TBC1D31: variants seen among roughly 807,000 people sequenced by gnomAD.
The protein encoded by TBC1D31 is WD repeat domain 67.
In TBC1D31, 99 loss-of-function variants were observed where a neutral mutation model predicts 132.9. The observed-to-expected ratio is 0.74, with a 90% CI of 0.63 to 0.88. The LOEUF (loss-of-function observed/expected upper bound fraction) is 0.88, where lower values mean the gene tolerates loss of function less well. Ranked by LOEUF, TBC1D31 falls within the 40% of genes least tolerant of loss-of-function variation. The pLI is 0.00. For synonymous variants in TBC1D31, 385 were observed against 419.4 expected (o/e 0.92, Z 1.00); for missense variants, 1,134 against 1,256.6 (o/e 0.90, Z 1.48).
intron 8 of TBC1D31, among the ~76,000 whole-genome samples, chr8:123,107,901 G>A (rs960510303): frequency 6.6e-6 from 1 of 152,190 alleles, no homozygotes; most frequent in Non-Finnish European, 1.5e-5. Context: ...GCCAAGACAA[G>A]GACAGGTCAA....
chr8:123,082,661 T>C (rs1316598517), intron 2 of TBC1D31, 41 bp from the exon 3 acceptor site: 19 of 1,369,276 alleles, frequency 1.4e-5, no homozygotes, highest in Non-Finnish European at 1.9e-5. Context: ...TTTGTAATTA[T>C]TGGAAGAATT....
intron 7 of TBC1D31, 148 bp from the exon 8 acceptor site, chr8:123,105,140 C>T (rs1194908342): frequency 2.1e-6 from 1 of 481,200 alleles, no homozygotes. Context: ...AGCAAATGTT[C>T]CTAGACATTT....
intron 10 of TBC1D31, among the ~76,000 whole-genome samples, chr8:123,117,570 C>T (rs1347809245): frequency 1.3e-5 from 2 of 150,856 alleles, no homozygotes; most frequent in Non-Finnish European, 3.0e-5. Context: ...CTGGCTGACA[C>T]GGTGAAACCC....
At chr8:123,140,249 C>T (rs911107786) in intron 17 of TBC1D31, among the ~76,000 whole-genome samples, 1 of 152,164 alleles carries the variant, frequency 6.6e-6, no homozygotes, top group Admixed American at 6.5e-5. Context: ...GTAATCCCAG[C>T]TACTTGGGAG....
intron 10 of TBC1D31, among the ~76,000 whole-genome samples, chr8:123,119,754 C>G (rs775082160): frequency 6.6e-6 from 1 of 152,048 alleles, no homozygotes; most frequent in Non-Finnish European, 1.5e-5. Context: ...TGTATCGGTA[C>G]GAAGCTATCA....
At position 123,130,232 on chromosome 8, in the gene TBC1D31, G is replaced by A. The variant is rs992475093; in HGVS notation, c.2305G>A (p.Glu769Lys). ...TGTGAAAAGAGAGCTGAAAGTAAAG[G>A]AAATGCACTTACAAGATGCTGCAAG... The part of the protein sequence containing the change: ...AAVKRELKVK[E>K]MHLQDAARRR... The change falls in exon 16 of 22, where the codon GAA becomes AAA. Residue 769 changes from glutamate to lysine, a missense_variant. Glu to Lys is a moderately conservative substitution (Grantham distance 56, BLOSUM62 1). Transcript: ENST00000287380. 3 of 1,612,592 alleles carry A rather than the reference G, an allele frequency of 1.9e-6. No individual in the cohort carries two copies. The Admixed American group carries it at 5.0e-5, about 27-fold the overall frequency.
At chr8:123,088,084 G>T (rs1815957919) in intron 4 of TBC1D31, among the ~76,000 whole-genome samples, 1 of 152,068 alleles carries the variant, frequency 6.6e-6, no homozygotes, top group Non-Finnish European at 1.5e-5. Flanking sequence ...AGCTACTGGG[G>T]AGGCTGAGGC....
chr8:123,076,473 T>A (rs1467555386), intron 1 of TBC1D31, among the ~76,000 whole-genome samples: 2 of 152,140 alleles, frequency 1.3e-5, no homozygotes, highest in East Asian at 3.9e-4. Context: ...CCTTACTGTT[T>A]TATATGGCAG....
chr8:123,140,927 C>T lies in TBC1D31; in HGVS notation c.2640+26C>T, dbSNP rs1042911303. 10 of 1,600,570 alleles carry T rather than the reference C, an allele frequency of 6.2e-6. No individual in the cohort carries two copies. The African/African-American group carries it at 8.1e-5, about 13-fold the overall frequency. ...GTAAAAATATGATCCATTTAGTATACATGCAGAGGAGAAATTTTCATCTGT... is the reference window on the plus strand; with the variant it reads ...GTAAAAATATGATCCATTTAGTATATATGCAGAGGAGAAATTTTCATCTGT... On this transcript the variant is annotated intron_variant, in intron 18 of 21. Transcript: ENST00000287380.
At chr8:123,080,529 C>CTTTTTTTTTTTTTTT in intron 2 of TBC1D31, among the ~76,000 whole-genome samples, 1 of 76,320 alleles carries the variant, frequency 1.3e-5, no homozygotes, top group Non-Finnish European at 2.3e-5. Context: ...TTCTTTTATT[C>CTTTTTTTTTTTTTTT]TTTTTTTTTT....
intron 19 of TBC1D31, among the ~76,000 whole-genome samples, chr8:123,143,463 A>C (rs1292566961): frequency 6.6e-6 from 1 of 152,004 alleles, no homozygotes; most frequent in Non-Finnish European, 1.5e-5. Context: ...CCTCGCAAAG[A>C]CTCTGGGATC....
At chr8:123,163,266 T>C in the TBC1D31 span, among the ~76,000 whole-genome samples, 2 of 152,020 alleles carry the variant, frequency 1.3e-5, no homozygotes, top group African/African-American at 4.8e-5. Flanking sequence ...ACATACCATA[T>C]AATTCACCTA....
chr8:123,114,894 C>T (rs1818772783), intron 10 of TBC1D31, among the ~76,000 whole-genome samples: 1 of 152,168 alleles, frequency 6.6e-6, no homozygotes, highest in South Asian at 2.1e-4. Flanking sequence ...TTCCTTTTTA[C>T]TTTCAAGTCT....
chr8:123,072,822 A>G lies in TBC1D31; in HGVS notation c.53A>G (p.Lys18Arg), dbSNP rs1814038327. Residue 18 changes from lysine (K) to arginine (R), a missense_variant, in exon 1 of 22, where the codon AAG (lysine) becomes AGG (arginine). By Grantham distance (26) the Lys-to-Arg change is conservative. Coordinates refer to ENST00000287380, the MANE Select transcript of TBC1D31 (RefSeq NM_145647.4). The part of the protein sequence containing the change: ...NKESGKIWHR[K>R]PSPATRDGII... ...GAGAGCGGCAAGATATGGCACCGCAAGCCGTCCCCGGCCACGCGGGACGGG... is the reference window on the plus strand; with the variant it reads ...GAGAGCGGCAAGATATGGCACCGCAGGCCGTCCCCGGCCACGCGGGACGGG... 2 of 1,572,482 alleles carry G rather than the reference A, an allele frequency of 1.3e-6. No individual in the cohort carries two copies. Among genetic ancestry groups the G allele is most frequent in the South Asian group, 2.3e-5 (2 of 85,660 alleles).
At chr8:123,090,603 C>T (rs915294456) in intron 4 of TBC1D31, among the ~76,000 whole-genome samples, 1 of 152,066 alleles carries the variant, frequency 6.6e-6, no homozygotes, top group Non-Finnish European at 1.5e-5. Context: ...TACATTTGAC[C>T]TTAACTTGCT....
At chr8:123,129,803 A>G (rs139455440) in intron 15 of TBC1D31, among the ~76,000 whole-genome samples, 2,310 of 152,332 alleles carry the variant, frequency 0.015, 52 homozygotes, top group African/African-American at 0.053. Context: ...AAAAAATAAA[A>G]AGAAAAAACT....
intron 3 of TBC1D31, 41 bp downstream of exon 3, chr8:123,082,858 T>C (rs1815313478): frequency 1.4e-6 from 2 of 1,401,318 alleles, no homozygotes; most frequent in South Asian, 1.2e-5. Flanking sequence ...CAGAGTAAAA[T>C]ATAAACTGAA....
At chr8:123,139,552 G>A (rs769437056) in intron 17 of TBC1D31, among the ~76,000 whole-genome samples, 1 of 152,092 alleles carries the variant, frequency 6.6e-6, no homozygotes, top group Non-Finnish European at 1.5e-5. Context: ...GCATGTTAGG[G>A]CACGCCTTTA....
In TBC1D31 at chr8:123,109,623, A is replaced by G. The variant is rs368068496; in HGVS notation, c.1436+3A>G. Reference sequence around the variant, plus strand: ...AAGCTACTCAGAGTATTACAGAGGTATGTTCTATATATTGCAGCAATGTGT... The same window carrying G: ...AAGCTACTCAGAGTATTACAGAGGTGTGTTCTATATATTGCAGCAATGTGT... On this transcript the variant is annotated splice_donor_region_variant and intron_variant, in intron 10 of 21. Transcript: ENST00000287380. The G allele has an allele frequency of 1.3e-6, 2 of 1,598,956 alleles. No individual in the cohort carries two copies. Among genetic ancestry groups the G allele is most frequent in the East Asian group, 2.2e-5 (1 of 44,748 alleles).
Sources: gnomAD v4.1 joint callset for allele counts (sites outside exome capture counted in the v4.1 genomes callset) on GRCh38, gnomAD v4.1.1 for gene constraint, MANE v1.5 for transcripts, NCBI Gene and HGNC (gene_info 2026-07-23, HGNC 2026-07-21) for gene names.